MESP1: variants seen among roughly 807,000 people sequenced by gnomAD.
MESP1 encodes mesoderm posterior protein 1.
Under a neutral mutation model 15.2 loss-of-function variants are expected in MESP1, and 22 were observed. That is an observed-to-expected ratio of 1.45 (90% CI 1.04 to 2.07). MESP1 has a LOEUF of 2.07. Among genes scored for constraint, MESP1 ranks in the 30% most tolerant of loss-of-function variants. The pLI, the probability that MESP1 is intolerant of heterozygous loss-of-function variation, is 0.00. For synonymous variants in MESP1, 216 were observed against 192.6 expected, an observed-to-expected ratio of 1.12 and a Z score of -1.01; for missense variants, 484 against 411.9, an observed-to-expected ratio of 1.17 and a Z score of -1.51.
At chr15:89,734,277 G>A in the MESP1 span, among the ~76,000 whole-genome samples, 5 of 152,168 alleles carry the variant, frequency 3.3e-5, no homozygotes, top group East Asian at 3.8e-4. Context: ...GACTCAGTCC[G>A]TTTCTTCTAC....
At chr15:89,743,187 T>C in the MESP1 span, 2 of 1,117,990 alleles carry the variant, frequency 1.8e-6, no homozygotes, top group Non-Finnish European at 2.7e-6. Context: ...GTGTGTCCTC[T>C]TAGAGTTTCT....
chr15:89,737,238 T>C, the MESP1 span, among the ~76,000 whole-genome samples: 2,479 of 152,184 alleles, frequency 0.016, 72 homozygotes, highest in African/African-American at 0.056. Context: ...AGGAAAGGCA[T>C]TGGGAGCACA....
downstream of MESP1, among the ~76,000 whole-genome samples, chr15:89,746,007 A>G (rs1227561019): frequency 8.8e-5 from 13 of 148,114 alleles, no homozygotes; most frequent in African/African-American, 3.0e-4. Flanking sequence ...ACACCTCCAC[A>G]CATACACACC....
chr15:89,750,993 C>G lies in MESP1; in HGVS notation c.239G>C (p.Gly80Ala). The G allele has an allele frequency of 7.2e-7, 1 of 1,390,294 alleles. No homozygotes were observed. Among genetic ancestry groups the G allele is most frequent in the South Asian group, 1.6e-5 (1 of 61,902 alleles). The allele number at this position is 1,390,294 out of a possible 1,614,324, so 86.1% of individuals were successfully genotyped here. ...GRRGARSSRL[G>A]SGQRQSASER... ...ACTGGCGCTCTGCCTCTGCCCGCTG[C>G]CCAGGCGGCTGCTGCGCGCGCCGCG... The change falls in exon 1 of 2, where the codon GGC (glycine) becomes GCC (alanine). Residue 80 changes from glycine (G) to alanine (A), a missense_variant. Gly to Ala is a moderately conservative substitution (Grantham distance 60). Transcript: ENST00000300057.
the MESP1 span, chr15:89,738,051 A>G: frequency 6.2e-7 from 1 of 1,610,324 alleles, no homozygotes; most frequent in East Asian, 2.2e-5. Context: ...GAGACTATTC[A>G]CATGAAACTG....
the MESP1 span, among the ~76,000 whole-genome samples, chr15:89,736,007 G>A: frequency 4.0e-3 from 607 of 152,324 alleles, 2 homozygotes; most frequent in African/African-American, 0.014. Context: ...GTGGAATGTG[G>A]AGAGGGAGGA....
At chr15:89,743,378 A>C in the MESP1 span, 1 of 1,614,126 alleles carries the variant, frequency 6.2e-7, no homozygotes. Context: ...CAGAGAGAGA[A>C]CTTCAAGAAG....
chr15:89,751,008 C>T lies in MESP1; in HGVS notation c.224G>A (p.Arg75His), dbSNP rs1387467885. 16 of 1,364,112 alleles carry T rather than the reference C, an allele frequency of 1.2e-5. No individual in the cohort carries two copies. Among genetic ancestry groups the T allele is most frequent in the Non-Finnish European group, 1.4e-5 (15 of 1,066,184 alleles). The allele number at this position is 1,364,112 out of a possible 1,614,324, so 84.5% of individuals were successfully genotyped here. ...CTGCCCGCTGCCCAGGCGGCTGCTG[C>T]GCGCGCCGCGCCTACCTACGGAGGG... is the stretch of plus-strand genomic sequence containing the variant. ...RAPSVGRRGA[R>H]SSRLGSGQRQ... The change falls in exon 1 of 2, where the codon CGC becomes CAC. Residue 75 changes from arginine to histidine, a missense_variant. Transcript: ENST00000300057.
At chr15:89,744,282 C>T in the MESP1 span, among the ~76,000 whole-genome samples, 1 of 152,336 alleles carries the variant, frequency 6.6e-6, no homozygotes, top group Middle Eastern at 3.4e-3. Flanking sequence ...AGACAACTTC[C>T]ATGTGGCACT....
chr15:89,733,676 A>G, the MESP1 span, among the ~76,000 whole-genome samples: 1 of 152,144 alleles, frequency 6.6e-6, no homozygotes, highest in Admixed American at 6.5e-5. Flanking sequence ...TTCCCTCACC[A>G]TGTCACACCC....
At chr15:89,746,203 C>T (rs567821803), downstream of MESP1, among the ~76,000 whole-genome samples, 1 of 149,276 alleles carries the variant, frequency 6.7e-6, no homozygotes, top group South Asian at 2.1e-4. Flanking sequence ...ACCTACTCAC[C>T]TCCACACAGC....
At chr15:89,744,762 T>C in the MESP1 span, among the ~76,000 whole-genome samples, 1 of 152,212 alleles carries the variant, frequency 6.6e-6, no homozygotes, top group Non-Finnish European at 1.5e-5. Context: ...ACTCTTGGTG[T>C]GGCTGGATCC....
At chr15:89,742,428 C>A in the MESP1 span, among the ~76,000 whole-genome samples, 2 of 152,134 alleles carry the variant, frequency 1.3e-5, no homozygotes, top group Non-Finnish European at 2.9e-5. Flanking sequence ...CCCCCTCCAC[C>A]CTGCTAAGCG....
chr15:89,750,780 C>T lies in MESP1; in HGVS notation c.452G>A (p.Cys151Tyr). The change falls in exon 1 of 2, where the codon TGC (cysteine) becomes TAC (tyrosine). Residue 151 changes from cysteine (C) to tyrosine (Y), a missense_variant. Physicochemically the swap from Cys to Tyr is radical, Grantham distance 194. Transcript: ENST00000300057. Reference protein sequence around the residue: ...GLSEESLQRRCRQRGDAGSPR... With the variant: ...GLSEESLQRRYRQRGDAGSPR... ...GGACCCCGCGTCACCGCGCTGCCGG[C>T]ACCGGCGCTGGAGACTCTCCTCGCT... 1.3e-6 allele frequency: 2 copies of T among 1,503,884 alleles called. No homozygotes were observed. Among genetic ancestry groups the T allele is most frequent in the South Asian group, 2.5e-5 (2 of 81,046 alleles). The allele number at this position is 1,503,884 out of a possible 1,614,324, so 93.2% of individuals were successfully genotyped here.
rs373461385 is a variant in MESP1 at position 89,750,278 on chromosome 15, C to A, written c.724-51G>T. 5 of 1,601,158 alleles carry A rather than the reference C, an allele frequency of 3.1e-6. No homozygotes were observed. The African/African-American group carries it at 5.4e-5, about 17-fold the overall frequency. On this transcript the variant is annotated intron_variant, in intron 1 of 1. Transcript: ENST00000300057. ...GCCCTCAAGCACTGGTGGCCTTGTGCGGGTGTCCGCGCTCGTGGGCTCCAC... is the reference window on the plus strand; with the variant it reads ...GCCCTCAAGCACTGGTGGCCTTGTGAGGGTGTCCGCGCTCGTGGGCTCCAC...
the MESP1 span, chr15:89,735,366 T>G: frequency 1.1e-6 from 1 of 940,222 alleles, no homozygotes. Flanking sequence ...TTTGCTACTA[T>G]GAACAGCCTC....
downstream of MESP1, among the ~76,000 whole-genome samples, chr15:89,745,413 C>A (rs1967915044): frequency 6.6e-6 from 1 of 152,158 alleles, no homozygotes; most frequent in Non-Finnish European, 1.5e-5. The surrounding 1 kb of genome is among the most constrained non-coding windows in gnomAD (Gnocchi z 4.8). Flanking sequence ...GCTGGCCATG[C>A]CTGTGGGCCC....
Position 89,751,070 on chromosome 15 carries a change from G to A in MESP1, c.162C>T (p.Ser54=), listed in dbSNP as rs1457917624. The A allele has an allele frequency of 7.6e-7, 1 of 1,324,206 alleles. No individual in the cohort carries two copies. The highest frequency in any genetic ancestry group is 2.7e-4 in the Middle Eastern group (1 of 3,704). 82.0% of individuals were successfully genotyped at this position (1,324,206 alleles called of 1,614,324 possible). A position where few individuals can be genotyped will look rare whatever the true frequency, so the allele number is the denominator to read the frequency against. Residue 54 remains serine (S), a synonymous_variant, in exon 1 of 2, where the codon AGC becomes AGT. Coordinates refer to ENST00000300057, the MANE Select transcript of MESP1 (RefSeq NM_018670.4). ...CCCGGAGGGTGCCTGGCCGCGCGGG[G>A]CTCGCCACGGGGCTGTCGGCTGGGG... ...GSTPADSPVA[S]PARPGTLRDP... is the part of the protein sequence containing the mutation.
intron 1 of MESP1, 42 bp downstream of exon 1, chr15:89,750,467 C>T: frequency 2.1e-6 from 3 of 1,441,892 alleles, no homozygotes; most frequent in Non-Finnish European, 2.7e-6. Context: ...GGGCTGTGCG[C>T]GGGGGCACGG....
Sources: allele counts gnomAD v4.1 joint callset (sites outside exome capture counted in the v4.1 genomes callset), GRCh38; gene constraint gnomAD v4.1.1; non-coding constraint Gnocchi (gnomAD v3.1); transcripts MANE v1.5; gene names NCBI Gene and HGNC (gene_info 2026-07-23, HGNC 2026-07-21).